Variants in FGFR2 observed in about 807,000 individuals in gnomAD.
FGFR2 encodes the protein fibroblast growth factor receptor 2.
Under a neutral mutation model 95.9 loss-of-function variants are expected in FGFR2, and 19 were observed. The ratio of observed to expected loss-of-function variants is 0.20; its 90% CI spans 0.14 to 0.29. FGFR2 has a LOEUF of 0.29. Among genes scored for constraint, FGFR2 ranks in the 10% least tolerant of loss-of-function variants. The pLI is 1.00. For missense variants in FGFR2, 707 were observed against 1,056.9 expected (o/e 0.67, Z 4.59); for synonymous variants, 392 against 393.3 (o/e 1.00, Z 0.04).
At chr10:121,502,989 A>T (rs1847794681) in intron 10 of FGFR2, among the ~76,000 whole-genome samples, 1 of 152,202 alleles carries the variant, frequency 6.6e-6, no homozygotes, top group Non-Finnish European at 1.5e-5. Flanking sequence ...CACCACGTGA[A>T]GGGAAATGAA....
At position 121,518,056 on chromosome 10, in the gene FGFR2, C is replaced by CA; in HGVS notation, c.940-594dup. The stretch of plus-strand genomic sequence containing the variant: ...TGGAAGCAAGCATCATCTTGGTAAC[C>CA]AAAAAAACTGGGCTTTTTCTCTTTT... On this transcript the variant is annotated intron_variant, in intron 7 of 17. Transcript: ENST00000358487. The surrounding 1 kb of genome is among the most constrained non-coding windows in gnomAD (Gnocchi z 4.0). The CA allele has an allele frequency of 8.0e-6, 4 of 497,370 alleles. No homozygotes were observed. Among genetic ancestry groups the CA allele is most frequent in the Admixed American group, 2.2e-5 (1 of 45,332 alleles). 30.8% of individuals were successfully genotyped at this position (497,370 alleles called of 1,614,324 possible).
intron 13 of FGFR2, among the ~76,000 whole-genome samples, chr10:121,493,719 G>A (rs1421000488): frequency 6.6e-6 from 1 of 152,114 alleles, no homozygotes; most frequent in Admixed American, 6.6e-5. Flanking sequence ...TCCCTTTGCT[G>A]CCTCCCAGCT....
intron 6 of FGFR2, among the ~76,000 whole-genome samples, chr10:121,534,610 G>C (rs1345584817): frequency 6.6e-6 from 1 of 151,396 alleles, no homozygotes; most frequent in Non-Finnish European, 1.5e-5. Context: ...TGACCAGGCT[G>C]GTCTCTAACT....
intron 4 of FGFR2, among the ~76,000 whole-genome samples, chr10:121,560,064 A>C (rs546808159): frequency 1.3e-5 from 2 of 152,284 alleles, no homozygotes; most frequent in African/African-American, 4.8e-5. Flanking sequence ...GGAGAGCTGT[A>C]AACACCTGTA....
intron 4 of FGFR2, among the ~76,000 whole-genome samples, chr10:121,562,536 T>C (rs1185586106): frequency 6.6e-6 from 1 of 152,176 alleles, no homozygotes; most frequent in Non-Finnish European, 1.5e-5. Context: ...TCCACCCGCC[T>C]CGGCCTCACA....
chr10:121,582,889 A>T (rs1261051898), intron 2 of FGFR2, among the ~76,000 whole-genome samples: 2 of 152,242 alleles, frequency 1.3e-5, no homozygotes, highest in Non-Finnish European at 2.9e-5. Context: ...ACTGCTGTAC[A>T]GGTAGCCAAG....
intron 2 of FGFR2, among the ~76,000 whole-genome samples, chr10:121,581,575 CAAA>C (rs67205229): frequency 9.0e-5 from 11 of 121,994 alleles, no homozygotes; most frequent in Admixed American, 2.5e-4. Flanking sequence ...CCATCTCTAC[CAAA>C]AAAAAAAAAA....
In FGFR2 at chr10:121,598,350, C is replaced by A; in HGVS notation, c.-539G>T. The A allele has an allele frequency of 8.4e-6, 2 of 239,390 alleles. No homozygotes were observed. The highest frequency in any genetic ancestry group is 1.3e-3 in the Middle Eastern group (1 of 746). 14.8% of individuals were successfully genotyped at this position (239,390 alleles called of 1,614,324 possible). A position where few individuals can be genotyped will look rare whatever the true frequency, so the allele number is the denominator to read the frequency against. ...CGCGCCGGGCCAGGTACGCCGCATG[C>A]AGCCCCGCGGCGCCCGAGCTTTGTG... On this transcript the variant is annotated 5_prime_UTR_variant, in exon 1 of 18. Coordinates refer to ENST00000358487, the MANE Select transcript of FGFR2 (RefSeq NM_000141.5).
At chr10:121,567,340 G>C (rs1186429326) in intron 2 of FGFR2, among the ~76,000 whole-genome samples, 4 of 152,204 alleles carry the variant, frequency 2.6e-5, no homozygotes, top group African/African-American at 4.8e-5. Context: ...AACACAAAGA[G>C]AGAATCACAA....
chr10:121,546,185 T>TAAAA (rs35408469), intron 5 of FGFR2, among the ~76,000 whole-genome samples: 4 of 135,346 alleles, frequency 3.0e-5, no homozygotes, highest in East Asian at 4.2e-4. Context: ...ACCTCTTTAT[T>TAAAA]AAAAAAAAAA....
chr10:121,511,089 G>A (rs1848996086), intron 9 of FGFR2, among the ~76,000 whole-genome samples: 1 of 152,020 alleles, frequency 6.6e-6, no homozygotes, highest in South Asian at 2.1e-4. Context: ...ACAGGCATGA[G>A]CCACGGCACC....
intron 13 of FGFR2, among the ~76,000 whole-genome samples, chr10:121,492,370 C>T (rs1000722915): frequency 3.3e-5 from 5 of 152,052 alleles, no homozygotes; most frequent in African/African-American, 9.7e-5. Context: ...ACTTCTCTGT[C>T]TCCAATCCCC....
intron 2 of FGFR2, 123 bp downstream of exon 2, chr10:121,593,586 C>T (rs1186796560): frequency 3.0e-5 from 26 of 863,660 alleles, no homozygotes; most frequent in African/African-American, 6.7e-5. Context: ...CAAGAGACCA[C>T]GATCTGGTGC....
chr10:121,566,867 G>A (rs973386719), intron 2 of FGFR2, among the ~76,000 whole-genome samples: 4 of 152,016 alleles, frequency 2.6e-5, no homozygotes, highest in East Asian at 1.9e-4. Flanking sequence ...TATGCAGCAC[G>A]GGATTGGACC....
intron 4 of FGFR2, among the ~76,000 whole-genome samples, chr10:121,553,669 C>T (rs1855708143): frequency 6.6e-6 from 1 of 152,188 alleles, no homozygotes; most frequent in Admixed American, 6.5e-5. Context: ...TATGAATTAG[C>T]TAAATATTAA....
At chr10:121,498,960 C>T (rs1309552061) in intron 11 of FGFR2, among the ~76,000 whole-genome samples, 4 of 152,152 alleles carry the variant, frequency 2.6e-5, no homozygotes, top group African/African-American at 9.7e-5. Flanking sequence ...CTGAAACCAG[C>T]GAGGAGACCG....
At chr10:121,591,604 G>A (rs1412459162) in intron 2 of FGFR2, among the ~76,000 whole-genome samples, 2 of 152,136 alleles carry the variant, frequency 1.3e-5, no homozygotes, top group South Asian at 2.1e-4. Flanking sequence ...CTGAGGCCTG[G>A]GACTTGTATA....
intron 6 of FGFR2, among the ~76,000 whole-genome samples, chr10:121,528,657 C>A (rs1003159910): frequency 5.9e-5 from 9 of 152,178 alleles, no homozygotes; most frequent in African/African-American, 2.2e-4. Context: ...AGAGGCTGAA[C>A]AATAAATCCC....
intron 2 of FGFR2, among the ~76,000 whole-genome samples, chr10:121,590,640 G>A (rs1015630589): frequency 3.3e-5 from 5 of 152,096 alleles, no homozygotes; most frequent in African/African-American, 9.7e-5. Context: ...GTGTCCAGAA[G>A]ACAAATGATA....
Sources: allele counts gnomAD v4.1 joint callset (sites outside exome capture counted in the v4.1 genomes callset), GRCh38; gene constraint gnomAD v4.1.1; non-coding constraint Gnocchi (gnomAD v3.1); transcripts MANE v1.5; gene names NCBI Gene and HGNC (gene_info 2026-07-23, HGNC 2026-07-21).